CNTNAP2: variants seen among roughly 807,000 people sequenced by gnomAD.
CNTNAP2 encodes contactin associated protein 2, also known as contactin-associated protein-like 2.
Under a neutral mutation model 155.2 loss-of-function variants are expected in CNTNAP2, and 98 were observed. The observed-to-expected ratio is 0.63, with a 90% CI of 0.54 to 0.75. The LOEUF (loss-of-function observed/expected upper bound fraction) is 0.75. CNTNAP2 is among the 30% of genes least tolerant of loss of function. CNTNAP2 has a pLI of 0.00. For synonymous variants in CNTNAP2, 651 were observed against 631.2 expected (o/e 1.03, Z -0.47); for missense variants, 1,727 against 1,688.1 (o/e 1.02, Z -0.40).
At chr7:146,586,797 T>A (rs1057396438) in intron 1 of CNTNAP2, among the ~76,000 whole-genome samples, 1 of 152,190 alleles carries the variant, frequency 6.6e-6, no homozygotes, top group Non-Finnish European at 1.5e-5. Flanking sequence ...ATGAGCTAAT[T>A]AATCAGCATT....
In CNTNAP2 at chr7:146,839,693, A is replaced by G. The variant is rs1335943671; in HGVS notation, c.209-18A>G. On this transcript the variant is annotated intron_variant, in intron 2 of 23. Coordinates refer to ENST00000361727, the MANE Select transcript of CNTNAP2 (RefSeq NM_014141.6). ...ATTTAAATATTCATTTTCCCATCTT[A>G]CCTCTGCCCATCTTCAGGTGCTGGG... 10 of 1,613,798 alleles carry G rather than the reference A, an allele frequency of 6.2e-6. No homozygotes were observed. Among genetic ancestry groups the G allele is most frequent in the Non-Finnish European group, 7.6e-6 (9 of 1,179,696 alleles).
chr7:147,259,591 A>ATTT (rs1191126948), intron 8 of CNTNAP2, among the ~76,000 whole-genome samples: 1 of 152,212 alleles, frequency 6.6e-6, no homozygotes, highest in African/African-American at 2.4e-5. Flanking sequence ...TCTGCTGAAC[A>ATTT]ACTGTATATG....
intron 1 of CNTNAP2, among the ~76,000 whole-genome samples, chr7:146,603,898 C>A (rs1432772830): frequency 2.1e-5 from 3 of 141,688 alleles, no homozygotes; most frequent in African/African-American, 8.0e-5. Flanking sequence ...GGATCCCTCC[C>A]TTACACCTTA....
chr7:146,488,008 T>G (rs925032113), intron 1 of CNTNAP2, among the ~76,000 whole-genome samples: 2 of 152,180 alleles, frequency 1.3e-5, no homozygotes, highest in African/African-American at 4.8e-5. Flanking sequence ...AAAAGACTAA[T>G]GGCTAAAACC....
intron 21 of CNTNAP2, among the ~76,000 whole-genome samples, chr7:148,346,872 C>A (rs1798337300): frequency 6.6e-6 from 1 of 152,092 alleles, no homozygotes; most frequent in South Asian, 2.1e-4. Context: ...AGATGGTTAC[C>A]TTTAACTTAC....
intron 1 of CNTNAP2, among the ~76,000 whole-genome samples, chr7:146,709,989 G>T (rs558965616): frequency 6.6e-6 from 1 of 152,286 alleles, no homozygotes; most frequent in African/African-American, 2.4e-5. Context: ...TCGATTAGGA[G>T]CTTAGAAGAA....
chr7:147,633,961 G>A (rs1054001002), intron 12 of CNTNAP2, among the ~76,000 whole-genome samples: 2 of 152,090 alleles, frequency 1.3e-5, no homozygotes, highest in African/African-American at 4.8e-5. Flanking sequence ...AAAATAACAG[G>A]TGGCATGGAT....
chr7:147,511,737 T>C (rs116621466), intron 11 of CNTNAP2, among the ~76,000 whole-genome samples: 1,537 of 152,134 alleles, frequency 0.01, 32 homozygotes, highest in African/African-American at 0.034. Context: ...GAAAGCTCTT[T>C]GCAACAAAAC....
chr7:146,163,535 ATC>A (rs1209612502), intron 1 of CNTNAP2, among the ~76,000 whole-genome samples: 7 of 145,346 alleles, frequency 4.8e-5, no homozygotes, highest in East Asian at 3.9e-4. Flanking sequence ...ATCTATATAT[ATC>A]TATATCTATA....
chr7:147,275,354 C>G (rs1804871675), intron 8 of CNTNAP2, among the ~76,000 whole-genome samples: 1 of 151,026 alleles, frequency 6.6e-6, no homozygotes, highest in South Asian at 2.1e-4. Flanking sequence ...CTTTGTAGTT[C>G]TTGTAAAGAT....
At chr7:147,523,306 G>A (rs562108484) in intron 11 of CNTNAP2, among the ~76,000 whole-genome samples, 1 of 152,326 alleles carries the variant, frequency 6.6e-6, no homozygotes, top group East Asian at 1.9e-4. Flanking sequence ...CTGACACAGA[G>A]AGAGGAGACA....
intron 2 of CNTNAP2, among the ~76,000 whole-genome samples, chr7:146,787,435 C>A (rs1256941188): frequency 6.6e-6 from 1 of 152,106 alleles, no homozygotes; most frequent in Non-Finnish European, 1.5e-5. Context: ...TCGCTGACTT[C>A]AGGAATGAAG....
intron 1 of CNTNAP2, among the ~76,000 whole-genome samples, chr7:146,430,896 A>T (rs1418194735): frequency 6.6e-6 from 1 of 152,082 alleles, no homozygotes; most frequent in African/African-American, 2.4e-5. Flanking sequence ...TTAAAAACAA[A>T]GGAATGGAAC....
intron 15 of CNTNAP2, among the ~76,000 whole-genome samples, chr7:147,986,184 A>G (rs1801615442): frequency 6.6e-6 from 1 of 152,122 alleles, no homozygotes; most frequent in Non-Finnish European, 1.5e-5. Flanking sequence ...TTACCAGCAT[A>G]GAGGACCACT....
intron 13 of CNTNAP2, among the ~76,000 whole-genome samples, chr7:147,884,964 T>G (rs1035963199): frequency 7.9e-5 from 12 of 152,258 alleles, no homozygotes; most frequent in African/African-American, 2.9e-4. Flanking sequence ...ACCTCAGGTT[T>G]TGAGCTGCAT....
chr7:147,320,881 C>A (rs1418226700), intron 9 of CNTNAP2, among the ~76,000 whole-genome samples: 1 of 152,166 alleles, frequency 6.6e-6, no homozygotes, highest in Non-Finnish European at 1.5e-5. Flanking sequence ...TCATAACTGA[C>A]CTCCTGCTGA....
chr7:147,088,976 AAG>A (rs924893952), intron 4 of CNTNAP2, among the ~76,000 whole-genome samples: 1 of 151,354 alleles, frequency 6.6e-6, no homozygotes, highest in Admixed American at 6.6e-5. Context: ...AAGAAAGAGA[AAG>A]AGAGAAAGAG....
chr7:146,703,665 C>CA (rs1800915132), intron 1 of CNTNAP2, among the ~76,000 whole-genome samples: 1 of 152,080 alleles, frequency 6.6e-6, no homozygotes, highest in Admixed American at 6.6e-5. Flanking sequence ...GCCATGTTCT[C>CA]ATGTGGTAGA....
At chr7:146,782,284 A>G (rs968897630) in intron 2 of CNTNAP2, 1 of 152,220 alleles carries the variant, frequency 6.6e-6, no homozygotes, top group Admixed American at 6.5e-5. Flanking sequence ...ATAAAAGCAC[A>G]TCCTTGGGAG....
Sources: gnomAD v4.1 joint callset for allele counts (sites outside exome capture counted in the v4.1 genomes callset) on GRCh38, gnomAD v4.1.1 for gene constraint, MANE v1.5 for transcripts, NCBI Gene and HGNC (gene_info 2026-07-23, HGNC 2026-07-21) for gene names.